Variants in DIP2C observed in about 807,000 individuals in gnomAD.
DIP2C encodes the protein disco-interacting protein 2 homolog C.
DIP2C carries 33 observed loss-of-function variants against 192.4 expected under a neutral mutation model. The observed-to-expected ratio is 0.17, with a 90% confidence interval of 0.13 to 0.23. The LOEUF is 0.23. Among genes scored for constraint, DIP2C ranks in the 10% least tolerant of loss-of-function variants. The pLI, the probability that DIP2C is intolerant of heterozygous loss-of-function variation, is 1.00. For missense variants in DIP2C, 1,537 were observed against 2,110.1 expected (o/e 0.73, Z 5.32); for synonymous variants, 979 against 864.1 (o/e 1.13, Z -2.33).
intron 35 of DIP2C, among the ~76,000 whole-genome samples, chr10:282,817 C>T (rs934898406): frequency 2.6e-5 from 4 of 152,248 alleles, no homozygotes; most frequent in East Asian, 1.9e-4. Flanking sequence ...GAGAGCCTCG[C>T]GGCCTCCTCT....
At chr10:531,699 G>C (rs1270110146) in intron 1 of DIP2C, among the ~76,000 whole-genome samples, 1 of 152,074 alleles carries the variant, frequency 6.6e-6, no homozygotes, top group Non-Finnish European at 1.5e-5. Context: ...CTGGGGTGTG[G>C]GGAAATCAGG....
intron 10 of DIP2C, among the ~76,000 whole-genome samples, chr10:396,018 G>A (rs1265773878): frequency 3.9e-5 from 6 of 152,054 alleles, no homozygotes; most frequent in Non-Finnish European, 7.4e-5. Context: ...GCCTCTACTC[G>A]GGTACAAGGG....
intron 1 of DIP2C, among the ~76,000 whole-genome samples, chr10:649,238 T>G (rs1453501623): frequency 7.0e-6 from 1 of 143,702 alleles, no homozygotes; most frequent in African/African-American, 2.6e-5. Flanking sequence ...CGTCCACATT[T>G]GATGGTGGGC....
chr10:393,802 A>G (rs1019088297), intron 10 of DIP2C, among the ~76,000 whole-genome samples: 6 of 145,682 alleles, frequency 4.1e-5, no homozygotes, highest in South Asian at 2.1e-4. Context: ...AAAAAGAAAA[A>G]AAAAGAAAAA....
intron 1 of DIP2C, among the ~76,000 whole-genome samples, chr10:614,958 A>C (rs1013254823): frequency 6.6e-6 from 1 of 152,220 alleles, no homozygotes; most frequent in East Asian, 1.9e-4. Flanking sequence ...CCAAGAGACA[A>C]GAGACAATGA....
chr10:380,433 G>A (rs556098888), intron 17 of DIP2C, among the ~76,000 whole-genome samples: 15 of 151,954 alleles, frequency 9.9e-5, no homozygotes, highest in Non-Finnish European at 1.8e-4. Context: ...TGTTTAACAC[G>A]CAGAAGAGGC....
chr10:635,777 C>T (rs1854794166), intron 1 of DIP2C, among the ~76,000 whole-genome samples: 1 of 152,144 alleles, frequency 6.6e-6, no homozygotes, highest in African/African-American at 2.4e-5. Flanking sequence ...GTCAGGGAGG[C>T]GAGGGCAGAG....
intron 29 of DIP2C, among the ~76,000 whole-genome samples, chr10:336,961 T>G: frequency 1.9e-5 from 1 of 52,394 alleles, no homozygotes; most frequent in Non-Finnish European, 5.3e-5. Context: ...GTGTGTGTGT[T>G]GTGGAGGCCT....
chr10:415,680 A>AG, intron 7 of DIP2C, 89 bp downstream of exon 7: 4 of 1,547,088 alleles, frequency 2.6e-6, no homozygotes, highest in Non-Finnish European at 3.5e-6. Flanking sequence ...CTGCTCTTAA[A>AG]AAGTAAAATA....
intron 1 of DIP2C, among the ~76,000 whole-genome samples, chr10:589,652 A>G (rs566834849): frequency 2.0e-5 from 3 of 152,226 alleles, no homozygotes; most frequent in Admixed American, 2.0e-4. Flanking sequence ...GTCCCTCCTG[A>G]GCATAATTTA....
At chr10:549,387 TGAG>T (rs1253430269) in intron 1 of DIP2C, among the ~76,000 whole-genome samples, 1 of 152,042 alleles carries the variant, frequency 6.6e-6, no homozygotes. Flanking sequence ...AAGTACAGCC[TGAG>T]AAGATACAAC....
intron 31 of DIP2C, among the ~76,000 whole-genome samples, chr10:315,508 C>T (rs985612748): frequency 3.3e-5 from 5 of 152,230 alleles, no homozygotes; most frequent in African/African-American, 1.2e-4. Flanking sequence ...AGCCTGCATG[C>T]ACCACTCCAC....
chr10:390,771 T>C lies in DIP2C; in HGVS notation c.1353A>G (p.Lys451=). The change falls in exon 11 of 37, where the codon AAA becomes AAG. Residue 451 remains lysine, a synonymous_variant. Transcript: ENST00000280886. ...ACTGTGGGATCTCTCCCGTTGGGCT[T>C]TTTGGAAGTCCTTTATGGCAGGCGT... ...TSDACHKGLP[K]SPTGEIPQFK... 6.2e-7 allele frequency: 1 copy of C among 1,614,108 alleles called. No individual in the cohort carries two copies. The highest frequency in any genetic ancestry group is 2.2e-5 in the East Asian group (1 of 44,866).
chr10:462,023 T>A (rs1266976914), intron 3 of DIP2C, among the ~76,000 whole-genome samples: 1 of 151,980 alleles, frequency 6.6e-6, no homozygotes, highest in African/African-American at 2.4e-5. Flanking sequence ...GGGACACAGA[T>A]AAAGAGGTGT....
chr10:495,754 C>CA (rs1479719355), intron 1 of DIP2C, among the ~76,000 whole-genome samples: 1 of 151,802 alleles, frequency 6.6e-6, no homozygotes, highest in African/African-American at 2.4e-5. Flanking sequence ...CGCAATACCC[C>CA]AATGTGACTG....
chr10:320,860 G>A (rs1217603753), intron 31 of DIP2C, among the ~76,000 whole-genome samples: 2 of 152,218 alleles, frequency 1.3e-5, no homozygotes, highest in Non-Finnish European at 2.9e-5. Flanking sequence ...CAGCTGGAAA[G>A]TGTGAAGGAG....
At chr10:420,087 G>C (rs1052926150) in intron 5 of DIP2C, among the ~76,000 whole-genome samples, 1 of 152,206 alleles carries the variant, frequency 6.6e-6, no homozygotes, top group African/African-American at 2.4e-5. Context: ...CCCCGCCACT[G>C]TCCCACGCAA....
chr10:371,620 G>A (rs1215181658), intron 17 of DIP2C, among the ~76,000 whole-genome samples: 4 of 130,540 alleles, frequency 3.1e-5, no homozygotes, highest in South Asian at 2.5e-4. Flanking sequence ...GGCCCAGGGC[G>A]GATCGCTGAG....
intron 19 of DIP2C, chr10:364,983 T>G (rs141648884): frequency 1.9e-6 from 1 of 534,444 alleles, no homozygotes; most frequent in Non-Finnish European, 3.8e-6. Flanking sequence ...GTAATCTCTC[T>G]TCATTCATAA....
Sources: allele counts gnomAD v4.1 joint callset (sites outside exome capture counted in the v4.1 genomes callset), GRCh38; gene constraint gnomAD v4.1.1; transcripts MANE v1.5; gene names NCBI Gene and HGNC (gene_info 2026-07-23, HGNC 2026-07-21).